The following ST8SIA2 variants were observed in gnomAD, a reference collection of about 807,000 sequenced individuals.
ST8SIA2 encodes the protein alpha-2,8-sialyltransferase 8B.
ST8SIA2 carries 22 observed loss-of-function variants against 37.6 expected under a neutral mutation model. The observed-to-expected ratio is 0.58, with a 90% CI of 0.42 to 0.83. The LOEUF is 0.83. Among genes scored for constraint, ST8SIA2 ranks in the 40% least tolerant of loss-of-function variants. The probability of loss-of-function intolerance (pLI) is 0.00; values close to 1 mark genes in which losing one functional copy is unlikely to be tolerated. For missense variants in ST8SIA2, 382 were observed against 484.7 expected, an observed-to-expected ratio of 0.79 and a Z score of 1.99; for synonymous variants, 205 against 201.2, an observed-to-expected ratio of 1.02 and a Z score of -0.16.
chr15:92,413,174 A>G lies in ST8SIA2; in HGVS notation c.99-16875A>G, dbSNP rs2049562087. Among the ~76,000 whole-genome samples, 2 of 152,230 alleles carry G rather than the reference A, an allele frequency of 1.3e-5. 1 individual carries two copies. Among genetic ancestry groups the G allele is most frequent in the Admixed American group, 1.3e-4 (2 of 15,284 alleles). ...CCCTGCTCAGTGCCCGTTGCAGAGT[A>G]GGTGCTCCATGATGCTCGAAAAAGA... On this transcript the variant is annotated intron_variant, in intron 1 of 5. Coordinates refer to ENST00000268164, the MANE Select transcript of ST8SIA2 (RefSeq NM_006011.4).
At chr15:92,409,948 T>C (rs974091294) in intron 1 of ST8SIA2, among the ~76,000 whole-genome samples, 1 of 152,188 alleles carries the variant, frequency 6.6e-6, no homozygotes, top group Admixed American at 6.5e-5. Context: ...CTCATGGAGT[T>C]TGTGATCTGG....
At chr15:92,424,997 A>G (rs1396983364) in intron 1 of ST8SIA2, among the ~76,000 whole-genome samples, 1 of 152,194 alleles carries the variant, frequency 6.6e-6, no homozygotes, top group Non-Finnish European at 1.5e-5. Flanking sequence ...ACCTTATTCT[A>G]TAGAGTTCTT....
In ST8SIA2 at chr15:92,438,503, G is replaced by C; in HGVS notation, c.441G>C (p.Ser147=). The C allele has an allele frequency of 6.2e-7, 1 of 1,614,182 alleles. No homozygotes were observed. Among genetic ancestry groups the C allele is most frequent in the Non-Finnish European group, 8.5e-7 (1 of 1,180,044 alleles). Residue 147 remains serine (S), a synonymous_variant, in exon 4 of 6, where the codon TCG becomes TCC. Transcript: ENST00000268164. ...QNLYELLPRT[S]PLKNKHFGTC... is the part of the protein sequence containing the mutation. ...TCTACGAGCTCCTCCCCAGGACTTC[G>C]CCACTGAAGAATAAGCACTTTGGGA...
At chr15:92,456,530 G>A (rs113298816) in intron 5 of ST8SIA2, among the ~76,000 whole-genome samples, 77 of 152,310 alleles carry the variant, frequency 5.1e-4, no homozygotes, top group African/African-American at 1.8e-3. Flanking sequence ...CCAGTGTAGC[G>A]TGATAGGTGC....
intron 1 of ST8SIA2, among the ~76,000 whole-genome samples, chr15:92,400,348 G>A (rs2049461311): frequency 6.6e-6 from 1 of 152,152 alleles, no homozygotes; most frequent in African/African-American, 2.4e-5. Context: ...AGTAAATGAA[G>A]CCTATTAAAT....
In ST8SIA2 at chr15:92,465,548, C is replaced by T. The variant is rs188486480; in HGVS notation, c.*1163C>T. Reference sequence around the variant, plus strand: ...TTCTGCATTCTGCACTCTGCGGGGCCTTTGCAGCCAGACTGCTGTGTCAAT... The same window carrying T: ...TTCTGCATTCTGCACTCTGCGGGGCTTTTGCAGCCAGACTGCTGTGTCAAT... On this transcript the variant is annotated 3_prime_UTR_variant, in exon 6 of 6. Coordinates refer to ENST00000268164, the MANE Select transcript of ST8SIA2 (RefSeq NM_006011.4). 2.6e-5 allele frequency: 4 copies of T among 152,332 alleles called. No individual in the cohort carries two copies. In the East Asian group the frequency reaches 5.8e-4, roughly 22 times the overall value. 9.4% of individuals were successfully genotyped at this position (152,332 alleles called of 1,614,324 possible). A position where few individuals can be genotyped will look rare whatever the true frequency, so the allele number is the denominator to read the frequency against.
Position 92,434,290 on chromosome 15 carries a change from G to A in ST8SIA2, c.205G>A (p.Asp69Asn), listed in dbSNP as rs767205382. 1.9e-6 allele frequency: 3 copies of A among 1,613,916 alleles called. No individual in the cohort carries two copies. The highest frequency in any genetic ancestry group is 2.2e-5 in the South Asian group (2 of 91,072). The change falls in exon 3 of 6, where the codon GAC (aspartate) becomes AAC (asparagine). Residue 69 changes from aspartate (D) to asparagine (N), a missense_variant. Transcript: ENST00000268164. ...INGSSSPAVV[D>N]RSNESIKHNI... ...CGGCTCCTCATCACCAGCTGTTGTT[G>A]ACAGAAGTAATGAAAGCATCAAGCA...
Position 92,456,691 on chromosome 15 carries a change from C to T in ST8SIA2, c.843-7409C>T, listed in dbSNP as rs553962374. On this transcript the variant is annotated intron_variant, in intron 5 of 5. Coordinates refer to ENST00000268164, the MANE Select transcript of ST8SIA2 (RefSeq NM_006011.4). Reference sequence around the variant, plus strand: ...TGTCATGGAAGAAACTAAGATGTTCCTCGTGGCAGTGTGGCTGTGCACACT... The same window carrying T: ...TGTCATGGAAGAAACTAAGATGTTCTTCGTGGCAGTGTGGCTGTGCACACT... Among the ~76,000 whole-genome samples the T allele has an allele frequency of 2.6e-5, 4 of 152,302 alleles. No homozygotes were observed. The South Asian group carries it at 8.3e-4, about 32-fold the overall frequency.
At chr15:92,426,333 G>A in intron 1 of ST8SIA2, among the ~76,000 whole-genome samples, 1 of 152,196 alleles carries the variant, frequency 6.6e-6, no homozygotes, top group Non-Finnish European at 1.5e-5. Flanking sequence ...GAAAGATGAT[G>A]TGGATGGGCG....
chr15:92,408,443 C>T (rs985953267), intron 1 of ST8SIA2, among the ~76,000 whole-genome samples: 6 of 152,078 alleles, frequency 3.9e-5, no homozygotes, highest in African/African-American at 1.2e-4. Context: ...CCAGCTCCTG[C>T]TACAGTGCCT....
At chr15:92,433,409 G>GA (rs1189571336) in intron 2 of ST8SIA2, among the ~76,000 whole-genome samples, 1 of 152,182 alleles carries the variant, frequency 6.6e-6, no homozygotes, top group Non-Finnish European at 1.5e-5. Flanking sequence ...TTTAAAGATA[G>GA]AATTGTAACC....
intron 1 of ST8SIA2, among the ~76,000 whole-genome samples, chr15:92,401,941 G>A (rs1327165974): frequency 2.0e-5 from 3 of 151,470 alleles, no homozygotes; most frequent in Non-Finnish European, 4.4e-5. Flanking sequence ...ATGTAGCCAT[G>A]ATTATTAATA....
intron 5 of ST8SIA2, among the ~76,000 whole-genome samples, chr15:92,445,798 T>C (rs940723835): frequency 6.6e-6 from 1 of 152,202 alleles, no homozygotes; most frequent in Non-Finnish European, 1.5e-5. Context: ...GAACTATTCC[T>C]ATCAAGAAGT....
Sources: allele counts gnomAD v4.1 joint callset (sites outside exome capture counted in the v4.1 genomes callset), GRCh38; gene constraint gnomAD v4.1.1; transcripts MANE v1.5; gene names NCBI Gene and HGNC (gene_info 2026-07-23, HGNC 2026-07-21).